The following ZBTB37 variants were observed in gnomAD, a reference collection of about 807,000 sequenced individuals.
ZBTB37 encodes zinc finger and BTB domain-containing protein 37.
Under a neutral mutation model 37.7 loss-of-function variants are expected in ZBTB37, and 15 were observed. The observed-to-expected ratio is 0.40, with a 90% CI of 0.27 to 0.61. The LOEUF (loss-of-function observed/expected upper bound fraction) is 0.61. ZBTB37 is among the 20% of genes least tolerant of loss of function. The pLI, the probability that ZBTB37 is intolerant of heterozygous loss-of-function variation, is 0.44. For missense variants in ZBTB37, 514 were observed against 641.9 expected (o/e 0.80, Z 2.15); for synonymous variants, 231 against 220.6 (o/e 1.05, Z -0.42).
At chr1:173,873,537 A>G in exon 4 of ZBTB37, 2 of 1,613,998 alleles carry the variant, frequency 1.2e-6, no homozygotes. Flanking sequence ...TCCTGGGAGA[A>G]TGGATGAGCC....
At chr1:173,871,193 T>A in intron 3 of ZBTB37, 45 bp downstream of exon 3, 1 of 1,503,432 alleles carries the variant, frequency 6.7e-7, no homozygotes, top group Non-Finnish European at 8.9e-7. Context: ...GGCTATTGTG[T>A]AGACATCACT....
chr1:173,899,662 A>C (rs781110227), exon 4 of ZBTB37: 2 of 152,058 alleles, frequency 1.3e-5, no homozygotes, highest in Admixed American at 6.6e-5. Flanking sequence ...CTGTTGTGCA[A>C]CCTGGGCTTT....
downstream of ZBTB37, chr1:173,889,277 C>T (rs908401312): frequency 3.3e-5 from 5 of 152,220 alleles, no homozygotes; most frequent in Admixed American, 2.0e-4. Flanking sequence ...GATGTTCTAT[C>T]TACATTAATG....
intron 4 of ZBTB37, among the ~76,000 whole-genome samples, chr1:173,874,705 T>C (rs1373884284): frequency 1.3e-5 from 2 of 152,146 alleles, no homozygotes; most frequent in African/African-American, 4.8e-5. Context: ...GCTTCCTTCG[T>C]GTGATTGGGA....
exon 4 of ZBTB37, chr1:173,897,936 T>G (rs1657112188): frequency 6.6e-6 from 1 of 152,222 alleles, no homozygotes; most frequent in African/African-American, 2.4e-5. Flanking sequence ...CACTTGAGTT[T>G]AGTGCTTTTT....
In ZBTB37 at chr1:173,875,153, T is replaced by C. The variant is rs532128396; in HGVS notation, c.1023+1587T>C. ...GTGTGTGTGTGTGTGTGTGTGTGTG[T>C]GTGTGTGCACGTGTGTACTGTATAT... On this transcript the variant is annotated intron_variant, in intron 4 of 4. Coordinates refer to ENST00000427304, the Ensembl canonical transcript of ZBTB37. Among the ~76,000 whole-genome samples the C allele has an allele frequency of 4.9e-3, 596 of 122,312 alleles. 5 individuals carry two copies. The highest frequency in any genetic ancestry group is 0.02 in the African/African-American group (568 of 28,478). The allele number at this position is 122,312 out of a possible 152,430, so 80.2% of individuals were successfully genotyped here.
Position 173,877,535 on chromosome 1 carries a change from C to T in ZBTB37, c.1023+3969C>T, listed in dbSNP as rs1656052489. 2.0e-5 allele frequency among the ~76,000 whole-genome samples: 3 copies of T among 152,072 alleles called. No individual in the cohort carries two copies. The South Asian group carries it at 6.2e-4, about 32-fold the overall frequency. The stretch of plus-strand genomic sequence containing the variant: ...AGCTGGGACCACTGGCATGTGCCAC[C>T]ACACCCGGTTAATTTTTTTGTTTTT... On this transcript the variant is annotated intron_variant, in intron 4 of 4. Transcript: ENST00000427304.
At chr1:173,878,051 A>G (rs1253611838) in intron 4 of ZBTB37, among the ~76,000 whole-genome samples, 2 of 152,212 alleles carry the variant, frequency 1.3e-5, no homozygotes, top group Non-Finnish European at 2.9e-5. Flanking sequence ...TCAAACAGAT[A>G]GACTCTCCCT....
chr1:173,877,438 G>A (rs1203970042), intron 4 of ZBTB37, among the ~76,000 whole-genome samples: 2 of 139,896 alleles, frequency 1.4e-5, no homozygotes, highest in African/African-American at 5.3e-5. Flanking sequence ...CTAGAGTGCA[G>A]TGGTATGATC....
rs187164585 is a variant in ZBTB37, at chr1:173,869,610, C to T, written c.-30+490C>T. Among the ~76,000 whole-genome samples, 29 of 151,416 alleles carry T rather than the reference C, an allele frequency of 1.9e-4. No homozygotes were observed. In the South Asian group the frequency reaches 2.9e-3, roughly 15 times the overall value. On this transcript the variant is annotated intron_variant, in intron 2 of 4. Transcript: ENST00000427304. ...TCCTGGCACAGCTGTGGGATTTTTC[C>T]TAGAGTTTGCTTCACAGCCCTATAA...
chr1:173,880,567 T>C (rs1656237463), intron 4 of ZBTB37, among the ~76,000 whole-genome samples: 1 of 152,182 alleles, frequency 6.6e-6, no homozygotes, highest in African/African-American at 2.4e-5. Context: ...TTCCTAGATA[T>C]TTGGCAGTGC....
chr1:173,882,382 C>T (rs1299445718), intron 4 of ZBTB37, among the ~76,000 whole-genome samples: 1 of 151,452 alleles, frequency 6.6e-6, no homozygotes, highest in Non-Finnish European at 1.5e-5. Flanking sequence ...GCTGGGACTA[C>T]AGGCACCCGC....
chr1:173,871,217 T>C, intron 3 of ZBTB37, 69 bp downstream of exon 3: 1 of 1,391,806 alleles, frequency 7.2e-7, no homozygotes, highest in South Asian at 1.4e-5. Flanking sequence ...GTGTCCTCTG[T>C]AGTACAGAGA....
In ZBTB37 at chr1:173,884,301, C is replaced by T. The variant is rs555358794; in HGVS notation, c.1024-1335C>T. On this transcript the variant is annotated intron_variant, in intron 4 of 4. Coordinates refer to ENST00000427304, the Ensembl canonical transcript of ZBTB37. ...CCAAGGAGCTGGGACTACATGTGCGCACCTCCACACCCAGCTAATTTTTTA... is the reference window on the plus strand; with the variant it reads ...CCAAGGAGCTGGGACTACATGTGCGTACCTCCACACCCAGCTAATTTTTTA... Among the ~76,000 whole-genome samples, 9 of 151,938 alleles carry T rather than the reference C, an allele frequency of 5.9e-5. No homozygotes were observed. In the East Asian group the frequency reaches 1.5e-3, roughly 26 times the overall value.
exon 5 of ZBTB37, chr1:173,886,150 C>G (rs1656611722): frequency 2.6e-6 from 4 of 1,537,182 alleles, no homozygotes; most frequent in Admixed American, 4.0e-5. Context: ...GGGGCTGACC[C>G]TCTTCCCCTA....
intron 3 of ZBTB37, 115 bp downstream of exon 3, chr1:173,871,263 G>A: frequency 9.4e-7 from 1 of 1,059,726 alleles, no homozygotes; most frequent in Non-Finnish European, 1.3e-6. Flanking sequence ...GTCAAAATAA[G>A]TTGATGATGG....
intron 4 of ZBTB37, among the ~76,000 whole-genome samples, chr1:173,875,394 C>T (rs1410289342): frequency 4.7e-5 from 7 of 147,786 alleles, no homozygotes; most frequent in African/African-American, 1.5e-4. Flanking sequence ...GGTGTGATCT[C>T]GGCTCGCTGC....
intron 3 of ZBTB37, 126 bp downstream of exon 3, chr1:173,871,274 G>T (rs574262354): frequency 3.3e-6 from 3 of 910,704 alleles, no homozygotes; most frequent in Middle Eastern, 3.4e-4. Context: ...TTGATGATGG[G>T]GAAACTGGAG....
At chr1:173,891,445 T>C (rs1656835582), downstream of ZBTB37, 2 of 152,076 alleles carry the variant, frequency 1.3e-5, no homozygotes, top group South Asian at 4.1e-4. Context: ...TGAAACATAA[T>C]GAAACATCTG....
Sources: allele counts gnomAD v4.1 joint callset (sites outside exome capture counted in the v4.1 genomes callset), GRCh38; gene constraint gnomAD v4.1.1; transcripts MANE v1.5; gene names NCBI Gene and HGNC (gene_info 2026-07-23, HGNC 2026-07-21).